The following UNC79 variants were observed in gnomAD, a reference collection of about 807,000 sequenced individuals.
UNC79 encodes protein unc-79 homolog.
UNC79 carries 37 observed loss-of-function variants against 283.1 expected under a neutral mutation model. The ratio of observed to expected loss-of-function variants is 0.13; its 90% confidence interval spans 0.10 to 0.17. The LOEUF (loss-of-function observed/expected upper bound fraction) is 0.17, where lower values mean the gene tolerates loss of function less well. Among genes scored for constraint, UNC79 ranks in the 10% least tolerant of loss-of-function variants. UNC79 has a pLI of 1.00. For missense variants in UNC79, 2,272 were observed against 3,211.1 expected, an observed-to-expected ratio of 0.71 and a Z score of 7.07; for synonymous variants, 1,107 against 1,200.2, an observed-to-expected ratio of 0.92 and a Z score of 1.61.
chr14:93,471,603 A>G (rs1398616320), intron 2 of UNC79, among the ~76,000 whole-genome samples: 1 of 152,032 alleles, frequency 6.6e-6, no homozygotes, highest in East Asian at 1.9e-4. Flanking sequence ...AATAAACTTC[A>G]CAAAACATCA....
intron 30 of UNC79, among the ~76,000 whole-genome samples, chr14:93,628,302 G>A (rs908249291): frequency 2.0e-5 from 3 of 152,100 alleles, no homozygotes; most frequent in Non-Finnish European, 1.5e-5. Context: ...TTGAACACCC[G>A]CCTTTGTATT....
chr14:93,700,494 A>G (rs1454836723), intron 47 of UNC79, among the ~76,000 whole-genome samples: 1 of 151,728 alleles, frequency 6.6e-6, no homozygotes, highest in African/African-American at 2.4e-5. Flanking sequence ...ATTTTCTGTT[A>G]ATGGATTTTT....
upstream of UNC79, among the ~76,000 whole-genome samples, chr14:93,426,458 A>G (rs573962372): frequency 4.0e-5 from 6 of 150,670 alleles, no homozygotes; most frequent in South Asian, 1.2e-3. Flanking sequence ...TTAATATATT[A>G]TTAGTATTTT....
chr14:93,335,673 A>G (rs2053563480), intron 1 of UNC79, among the ~76,000 whole-genome samples: 1 of 152,216 alleles, frequency 6.6e-6, no homozygotes, highest in East Asian at 1.9e-4. Context: ...AAGGACATGT[A>G]AATTGGCTTT....
chr14:93,350,482 T>C (rs188072084), intron 1 of UNC79, among the ~76,000 whole-genome samples: 1 of 152,266 alleles, frequency 6.6e-6, no homozygotes, highest in East Asian at 1.9e-4. Context: ...AAAAATGTTA[T>C]AAATGGGCTG....
At chr14:93,600,604 T>C (rs768639840) in exon 25 of UNC79, 3 of 1,613,700 alleles carry the variant, frequency 1.9e-6, no homozygotes, top group Non-Finnish European at 2.5e-6. Context: ...AGTTTGATAC[T>C]GTGGTTAAAG....
intron 14 of UNC79, among the ~76,000 whole-genome samples, chr14:93,547,884 C>T (rs2061680610): frequency 6.6e-6 from 1 of 152,020 alleles, no homozygotes; most frequent in East Asian, 1.9e-4. Flanking sequence ...GTCCCAGATA[C>T]TTGGGAGGCT....
intron 1 of UNC79, among the ~76,000 whole-genome samples, chr14:93,399,125 A>G (rs758736296): frequency 6.6e-6 from 1 of 152,178 alleles, no homozygotes; most frequent in Non-Finnish European, 1.5e-5. Flanking sequence ...TTATAAAATC[A>G]TCAGATCTTG....
intron 1 of UNC79, among the ~76,000 whole-genome samples, chr14:93,354,069 G>A (rs2054032571): frequency 6.6e-6 from 1 of 152,138 alleles, no homozygotes. Context: ...ATAAATAGAT[G>A]AAGAATGGGG....
intron 1 of UNC79, among the ~76,000 whole-genome samples, chr14:93,396,159 A>G (rs181405439): frequency 1.5e-4 from 22 of 151,396 alleles, no homozygotes; most frequent in Admixed American, 1.4e-3. Context: ...TGTCTGCTGA[A>G]ATCTTCTGTT....
chr14:93,514,720 G>T lies in UNC79; in HGVS notation c.899-9258G>T, dbSNP rs2059976294. Among the ~76,000 whole-genome samples, 4 of 152,278 alleles carry T rather than the reference G, an allele frequency of 2.6e-5. No homozygotes were observed. In the South Asian group the frequency reaches 8.3e-4, roughly 32 times the overall value. On this transcript the variant is annotated intron_variant, in intron 7 of 48. Coordinates refer to ENST00000555664, the Ensembl canonical transcript of UNC79. Reference sequence around the variant, plus strand: ...GTTTCTTCTACCCACCAAAAACGCTGATTTCTTACTGAGTTCCATTTTTCT... The same window carrying T: ...GTTTCTTCTACCCACCAAAAACGCTTATTTCTTACTGAGTTCCATTTTTCT...
intron 1 of UNC79, among the ~76,000 whole-genome samples, chr14:93,406,495 C>T (rs1418582170): frequency 1.3e-5 from 2 of 151,896 alleles, no homozygotes; most frequent in African/African-American, 4.8e-5. Context: ...GGGTGAGGTG[C>T]GAGGATCACT....
chr14:93,686,580 T>G, exon 43 of UNC79: 1 of 1,614,154 alleles, frequency 6.2e-7, no homozygotes, highest in Non-Finnish European at 8.5e-7. Context: ...AGTGTGGGAC[T>G]GCAGCGATGG....
At chr14:93,644,375 T>G in intron 34 of UNC79, among the ~76,000 whole-genome samples, 1 of 152,146 alleles carries the variant, frequency 6.6e-6, no homozygotes, top group East Asian at 1.9e-4. Context: ...GTGCACAACT[T>G]ATAGGAGAGG....
At chr14:93,464,358 C>G (rs1209614384) in intron 1 of UNC79, among the ~76,000 whole-genome samples, 7 of 152,174 alleles carry the variant, frequency 4.6e-5, no homozygotes, top group Non-Finnish European at 1.0e-4. Flanking sequence ...GCTGCCTTCT[C>G]TCTCTGTCCT....
chr14:93,449,121 G>A (rs1434729824), intron 1 of UNC79, among the ~76,000 whole-genome samples: 3 of 152,076 alleles, frequency 2.0e-5, no homozygotes, highest in Non-Finnish European at 4.4e-5. Context: ...TTTAGTCCAC[G>A]GTGATACTTT....
chr14:93,655,793 G>A (rs1479889483), intron 38 of UNC79, among the ~76,000 whole-genome samples: 1 of 152,104 alleles, frequency 6.6e-6, no homozygotes, highest in African/African-American at 2.4e-5. Flanking sequence ...TTCCATTTTA[G>A]AGAATTATCT....
At chr14:93,575,163 G>C (rs901588227) in exon 17 of UNC79, 1 of 1,613,882 alleles carries the variant, frequency 6.2e-7, no homozygotes, top group Admixed American at 1.7e-5. Flanking sequence ...AAAATCAAGA[G>C]TCAGTGAACT....
At chr14:93,619,785 C>T (rs541913815) in intron 29 of UNC79, among the ~76,000 whole-genome samples, 25 of 152,224 alleles carry the variant, frequency 1.6e-4, no homozygotes, top group Non-Finnish European at 2.9e-4. Flanking sequence ...TAATCATAAT[C>T]GCACCTGAGC....
Sources: allele counts gnomAD v4.1 joint callset (sites outside exome capture counted in the v4.1 genomes callset), GRCh38; gene constraint gnomAD v4.1.1; transcripts MANE v1.5; gene names NCBI Gene and HGNC (gene_info 2026-07-23, HGNC 2026-07-21).